RGS6: variants seen among roughly 807,000 people sequenced by gnomAD.
RGS6 encodes regulator of G-protein signaling 6.
A neutral mutation model predicts 78.5 loss-of-function variants in RGS6; 30 were observed. That is an observed-to-expected ratio of 0.38 (90% confidence interval 0.29 to 0.52). The LOEUF is 0.52. Ranked by LOEUF, RGS6 falls within the 20% of genes least tolerant of loss-of-function variation. The pLI, the probability that RGS6 is intolerant of heterozygous loss-of-function variation, is 0.85. For synonymous variants in RGS6, 206 were observed against 206.0 expected (o/e 1.00, Z 0.00); for missense variants, 495 against 609.7 (o/e 0.81, Z 1.98).
chr14:71,873,128 A>G, the RGS6 span, among the ~76,000 whole-genome samples: 1 of 152,330 alleles, frequency 6.6e-6, no homozygotes, highest in East Asian at 1.9e-4. Context: ...TTATAGTAGC[A>G]TGATTTATAA....
chr14:72,049,045 T>C (rs1011557656), intron 2 of RGS6, among the ~76,000 whole-genome samples: 100 of 152,334 alleles, frequency 6.6e-4, no homozygotes, highest in African/African-American at 2.2e-3. Flanking sequence ...TTGGCCATAA[T>C]TGAAAGTCAG....
intron 2 of RGS6, among the ~76,000 whole-genome samples, chr14:72,154,960 C>A (rs532517355): frequency 6.6e-6 from 1 of 152,198 alleles, no homozygotes; most frequent in Non-Finnish European, 1.5e-5. Flanking sequence ...TAGGAGCGGG[C>A]GGTAATGAAT....
chr14:72,424,653 T>C (rs549786254), intron 3 of RGS6, among the ~76,000 whole-genome samples: 2 of 152,340 alleles, frequency 1.3e-5, no homozygotes, highest in East Asian at 1.9e-4. Flanking sequence ...TTGGCTGATA[T>C]GGAAAAAAAT....
chr14:71,900,437 G>A, the RGS6 span, among the ~76,000 whole-genome samples: 7 of 152,234 alleles, frequency 4.6e-5, no homozygotes, highest in African/African-American at 1.2e-4. Flanking sequence ...TTTCGGGTCC[G>A]TGAAATCAAT....
At chr14:72,407,565 T>C (rs371335760) in intron 3 of RGS6, among the ~76,000 whole-genome samples, 2 of 152,246 alleles carry the variant, frequency 1.3e-5, no homozygotes, top group South Asian at 2.1e-4. Flanking sequence ...TGTTGAGTGC[T>C]GTATTTTTTA....
chr14:72,455,315 C>T (rs994849660), intron 4 of RGS6, among the ~76,000 whole-genome samples: 1 of 152,222 alleles, frequency 6.6e-6, no homozygotes, highest in Non-Finnish European at 1.5e-5. Flanking sequence ...CTAATACACT[C>T]TGATGTTCTT....
chr14:72,138,048 T>A (rs552279621), intron 2 of RGS6, among the ~76,000 whole-genome samples: 1 of 152,270 alleles, frequency 6.6e-6, no homozygotes, highest in East Asian at 1.9e-4. Flanking sequence ...ATTTTGGAGA[T>A]TCCAAGGGTT....
intron 4 of RGS6, 21 bp downstream of exon 4, chr14:72,454,599 C>T (rs1273860672): frequency 1.2e-6 from 2 of 1,606,852 alleles, no homozygotes; most frequent in Non-Finnish European, 1.7e-6. Flanking sequence ...TTTGACCCCA[C>T]CCTTATCTCC....
chr14:71,966,643 GAAAA>G (rs200696110), intron 2 of RGS6, among the ~76,000 whole-genome samples: 1 of 150,346 alleles, frequency 6.7e-6, no homozygotes, highest in Non-Finnish European at 1.5e-5. Flanking sequence ...TCTGTAAAAA[GAAAA>G]AAAAATGTGG....
chr14:71,972,773 G>A (rs1251806409), intron 2 of RGS6, among the ~76,000 whole-genome samples: 2 of 152,150 alleles, frequency 1.3e-5, no homozygotes, highest in African/African-American at 2.4e-5. Context: ...TAATACAGAT[G>A]GGAGGATGTG....
chr14:72,111,267 G>A (rs921314954), intron 2 of RGS6, among the ~76,000 whole-genome samples: 11 of 152,034 alleles, frequency 7.2e-5, no homozygotes, highest in Non-Finnish European at 1.5e-5. Context: ...TCCTTACATG[G>A]AAAAAAGGCA....
intron 1 of RGS6, among the ~76,000 whole-genome samples, chr14:71,961,237 A>G (rs113699508): frequency 1.3e-4 from 20 of 152,326 alleles, no homozygotes; most frequent in African/African-American, 3.8e-4. Flanking sequence ...TGACAGAGAC[A>G]CGTGGCATGG....
intron 2 of RGS6, among the ~76,000 whole-genome samples, chr14:71,992,185 C>A (rs1270275943): frequency 6.6e-6 from 1 of 152,162 alleles, no homozygotes; most frequent in African/African-American, 2.4e-5. Context: ...CCTGCGCCGC[C>A]ATGCTTGGCT....
chr14:72,475,163 C>G (rs1388471604), intron 10 of RGS6, among the ~76,000 whole-genome samples: 1 of 146,730 alleles, frequency 6.8e-6, no homozygotes, highest in Non-Finnish European at 1.5e-5. Context: ...TGAAAGCAAG[C>G]TTTATACTTA....
chr14:72,301,338 G>A (rs549658939), intron 2 of RGS6, among the ~76,000 whole-genome samples: 2 of 152,164 alleles, frequency 1.3e-5, no homozygotes, highest in Non-Finnish European at 2.9e-5. Flanking sequence ...AGAGTGTTTT[G>A]TGTATCATTC....
chr14:71,882,144 G>C, the RGS6 span, among the ~76,000 whole-genome samples: 2 of 152,066 alleles, frequency 1.3e-5, no homozygotes, highest in African/African-American at 2.4e-5. Flanking sequence ...TCTATTTTCT[G>C]TCTCTATGAA....
chr14:72,408,253 C>T (rs1444929582), intron 3 of RGS6, among the ~76,000 whole-genome samples: 1 of 152,060 alleles, frequency 6.6e-6, no homozygotes, highest in Non-Finnish European at 1.5e-5. Context: ...ATCCACAGAC[C>T]CCTGGTGGTT....
In RGS6 at chr14:72,495,061, T is replaced by G; in HGVS notation, c.855-91T>G. 1.0e-5 allele frequency: 8 copies of G among 774,706 alleles called. No individual in the cohort carries two copies. The South Asian group carries it at 1.2e-4, about 12-fold the overall frequency. 48.0% of individuals were successfully genotyped at this position (774,706 alleles called of 1,614,324 possible). On this transcript the variant is annotated intron_variant, in intron 12 of 17. Coordinates refer to ENST00000553525, the MANE Select transcript of RGS6 (RefSeq NM_001204424.2). ...AATTTTTTCCTTTAATTTAGAATTA[T>G]GTGAAGACTGCTATAATGTTTGTGT...
At chr14:72,361,587 T>C (rs181831786) in intron 3 of RGS6, among the ~76,000 whole-genome samples, 72 of 152,244 alleles carry the variant, frequency 4.7e-4, no homozygotes, top group African/African-American at 1.6e-3. Flanking sequence ...GAACAAGGCA[T>C]TGAAATGGGA....
Sources: allele counts gnomAD v4.1 joint callset (sites outside exome capture counted in the v4.1 genomes callset), GRCh38; gene constraint gnomAD v4.1.1; transcripts MANE v1.5; gene names NCBI Gene and HGNC (gene_info 2026-07-23, HGNC 2026-07-21).